The following NPIPA1 variants were observed in gnomAD, a reference collection of about 807,000 sequenced individuals.
The protein encoded by NPIPA1 is nuclear pore complex-interacting protein family member A1.
For missense variants in NPIPA1, 22 were observed against 232.2 expected (o/e 0.09, Z 5.88); for synonymous variants, 7 against 88.0 (o/e 0.08, Z 5.15).
intron 2 of NPIPA1, among the ~76,000 whole-genome samples, chr16:14,943,157 T>C (rs1238950663): frequency 2.6e-5 from 4 of 152,008 alleles, no homozygotes; most frequent in South Asian, 2.1e-4. Context: ...TTTTTTTTTT[T>C]TTTTCTTTTC....
chr16:14,941,218 G>T (rs1400393259), intron 1 of NPIPA1, among the ~76,000 whole-genome samples: 20 of 149,904 alleles, frequency 1.3e-4, no homozygotes, highest in East Asian at 6.4e-4. Flanking sequence ...CAGGCAGATC[G>T]CCTGTCAGGA....
At chr16:14,947,728 C>G (rs1965926246) in intron 4 of NPIPA1, among the ~76,000 whole-genome samples, 1 of 152,348 alleles carries the variant, frequency 6.6e-6, no homozygotes, top group South Asian at 2.1e-4. Flanking sequence ...CCCCATTGTT[C>G]TCATCTGAGA....
chr16:14,942,888 G>C (rs1597172746), intron 2 of NPIPA1, among the ~76,000 whole-genome samples: 1 of 152,284 alleles, frequency 6.6e-6, no homozygotes, highest in East Asian at 1.9e-4. Context: ...TAAAAATGTG[G>C]TTGTGTGGGG....
At chr16:14,943,488 A>G (rs1473672316) in intron 2 of NPIPA1, among the ~76,000 whole-genome samples, 2 of 148,338 alleles carry the variant, frequency 1.3e-5, no homozygotes, top group South Asian at 4.4e-4. Context: ...CTTTTTAACA[A>G]TTCCATTTAG....
intron 4 of NPIPA1, among the ~76,000 whole-genome samples, chr16:14,947,428 G>A (rs1597178106): frequency 1.3e-5 from 2 of 151,414 alleles, no homozygotes; most frequent in East Asian, 2.0e-4. Flanking sequence ...TGACTCTTCT[G>A]GGTCTCAACC....
intron 1 of NPIPA1, among the ~76,000 whole-genome samples, chr16:14,940,326 G>C (rs1183766663): frequency 0.044 from 6,233 of 141,508 alleles, no homozygotes; most frequent in Middle Eastern, 0.065. Flanking sequence ...CAAGAGAGAA[G>C]TATTATTTAG....
At chr16:14,943,150 T>C (rs1255933537) in intron 2 of NPIPA1, among the ~76,000 whole-genome samples, 5 of 151,954 alleles carry the variant, frequency 3.3e-5, no homozygotes, top group African/African-American at 1.2e-4. Flanking sequence ...GAAGCTTTTT[T>C]TTTTTTTTTT....
chr16:14,940,481 G>A lies in NPIPA1; in HGVS notation c.64-1331G>A, dbSNP rs1224721769. Among the ~76,000 whole-genome samples, 8 of 150,216 alleles carry A rather than the reference G, an allele frequency of 5.3e-5. No homozygotes were observed. The Admixed American group carries it at 5.3e-4, about 10-fold the overall frequency. ...GCCAGCACTTTGGGAGGCCGAGGCA[G>A]GTGGATCATGAGGTCAGGAGTTGGA... On this transcript the variant is annotated intron_variant, in intron 1 of 7. Coordinates refer to ENST00000328085, the MANE Select transcript of NPIPA1 (RefSeq NM_006985.4).
chr16:14,941,650 T>C, intron 1 of NPIPA1, 162 bp from the exon 2 acceptor site: 1 of 82,358 alleles, frequency 1.2e-5, no homozygotes, highest in South Asian at 5.5e-4. Flanking sequence ...ATGAGACTTC[T>C]CTAACTTCTG....
In NPIPA1 at chr16:14,947,358, T is replaced by A. The variant is rs1167282794; in HGVS notation, c.437+1377T>A. On this transcript the variant is annotated intron_variant, in intron 4 of 7. Transcript: ENST00000328085. Reference sequence around the variant, plus strand: ...CGTACAGGCTGCAATTGAGGTCGTCTCTGCAGGCTCAGTCCCTACAAAGGC... The same window carrying A: ...CGTACAGGCTGCAATTGAGGTCGTCACTGCAGGCTCAGTCCCTACAAAGGC... 3.3e-5 allele frequency among the ~76,000 whole-genome samples: 5 copies of A among 151,998 alleles called. No homozygotes were observed. The South Asian group carries it at 6.3e-4, about 19-fold the overall frequency.
intron 1 of NPIPA1, chr16:14,938,067 T>TC (rs945247525): frequency 9.1e-6 from 2 of 220,416 alleles, no homozygotes; most frequent in African/African-American, 4.1e-5. Flanking sequence ...TTCCCTTACT[T>TC]CCCCCCTTCC....
intron 2 of NPIPA1, among the ~76,000 whole-genome samples, chr16:14,942,176 TA>T (rs1833583421): frequency 9.5e-6 from 1 of 104,784 alleles, no homozygotes; most frequent in African/African-American, 3.9e-5. Context: ...TAAGTTTTTT[TA>T]ACCTTTGTGC....
chr16:14,945,382 C>T (rs1311179113), intron 2 of NPIPA1, among the ~76,000 whole-genome samples, 192 bp from the exon 3 acceptor site: 2 of 145,302 alleles, frequency 1.4e-5, no homozygotes, highest in South Asian at 2.4e-4. Context: ...CCGAGTAGCT[C>T]GGATTACAGG....
chr16:14,939,932 G>C (rs1195498560), intron 1 of NPIPA1, among the ~76,000 whole-genome samples: 1 of 33,288 alleles, frequency 3.0e-5, no homozygotes, highest in African/African-American at 6.6e-5. Flanking sequence ...GTCTCGCTCT[G>C]TCACCCAGGC....
intron 4 of NPIPA1, among the ~76,000 whole-genome samples, chr16:14,946,526 T>G (rs1194421680): frequency 6.7e-6 from 1 of 148,386 alleles, no homozygotes; most frequent in Admixed American, 6.9e-5. Flanking sequence ...CCAGGCTTTT[T>G]TTTTTTTTTT....
At chr16:14,942,293 TCTC>T (rs2151077394) in intron 2 of NPIPA1, among the ~76,000 whole-genome samples, 1 of 141,224 alleles carries the variant, frequency 7.1e-6, no homozygotes, top group African/African-American at 2.7e-5. Context: ...AAGCTTCCAA[TCTC>T]CTCTCTGAAG....
intron 1 of NPIPA1, among the ~76,000 whole-genome samples, chr16:14,941,001 AC>A (rs1164503370): frequency 8.0e-6 from 1 of 124,240 alleles, no homozygotes; most frequent in African/African-American, 2.8e-5. Flanking sequence ...ACTGTCAGGC[AC>A]CTGTACTCCC....
chr16:14,938,588 G>C (rs1341170730), intron 1 of NPIPA1, among the ~76,000 whole-genome samples: 2 of 129,770 alleles, frequency 1.5e-5, no homozygotes, highest in Non-Finnish European at 3.2e-5. Context: ...TGTTATCCCA[G>C]TTACTGGAGA....
intron 5 of NPIPA1, chr16:14,949,313 AGTT>A (rs1965961513): frequency 8.5e-6 from 2 of 234,674 alleles, no homozygotes; most frequent in African/African-American, 9.3e-5. Flanking sequence ...GGGTGGGGTG[AGTT>A]GTTGTCATCC....
Sources: allele counts gnomAD v4.1 joint callset (sites outside exome capture counted in the v4.1 genomes callset), GRCh38; gene constraint gnomAD v4.1.1; transcripts MANE v1.5; gene names NCBI Gene and HGNC (gene_info 2026-07-23, HGNC 2026-07-21).